GNAI3: variants seen among roughly 807,000 people sequenced by gnomAD.
GNAI3 encodes the protein G protein subunit alpha i3.
Under a neutral mutation model 41.8 loss-of-function variants are expected in GNAI3, and 12 were observed. That is an observed-to-expected ratio of 0.29 (90% confidence interval 0.18 to 0.47). The LOEUF is 0.47. GNAI3 is among the 20% of genes least tolerant of loss of function. The probability of loss-of-function intolerance (pLI) is 1.00; values close to 1 mark genes in which losing one functional copy is unlikely to be tolerated. For synonymous variants in GNAI3, 132 were observed against 146.5 expected (o/e 0.90, Z 0.71); for missense variants, 360 against 429.6 (o/e 0.84, Z 1.43).
chr1:109,589,460 G>A (rs561874659), intron 7 of GNAI3, among the ~76,000 whole-genome samples: 44 of 152,228 alleles, frequency 2.9e-4, no homozygotes, highest in African/African-American at 1.1e-3. Context: ...CTTGAGCAAC[G>A]TGGGTTTAAA....
intron 4 of GNAI3, among the ~76,000 whole-genome samples, chr1:109,582,002 C>CT (rs1557910514): frequency 6.6e-6 from 1 of 151,964 alleles, no homozygotes; most frequent in African/African-American, 2.4e-5. Flanking sequence ...TTATTTCTTT[C>CT]TTTTTTTAAG....
chr1:109,548,909 C>G, intron 1 of GNAI3, 71 bp downstream of exon 1: 1 of 982,372 alleles, frequency 1.0e-6, no homozygotes, highest in Admixed American at 2.0e-5. Context: ...TGAACGGGGT[C>G]TGGTCGGGCC....
chr1:109,586,209 T>TG lies in GNAI3; in HGVS notation c.591-6dup. ...TTGCTGAATTTGCTTTCTTTCCCCT[T>TG]GCGCAGGATGTTTGATGTAGGTGGC... On this transcript the variant is annotated splice_region_variant and splice_polypyrimidine_tract_variant and intron_variant, in intron 5 of 8. Coordinates refer to ENST00000369851, the MANE Select transcript of GNAI3 (RefSeq NM_006496.4). 1 of 1,612,668 alleles carries TG rather than the reference T, an allele frequency of 6.2e-7. No individual in the cohort carries two copies. The highest frequency in any genetic ancestry group is 8.5e-7 in the Non-Finnish European group (1 of 1,179,128).
chr1:109,573,749 C>G lies in GNAI3; in HGVS notation c.131C>G (p.Ser44Cys), dbSNP rs1648666212. The G allele has an allele frequency of 6.2e-7, 1 of 1,611,114 alleles. No homozygotes were observed. The highest frequency in any genetic ancestry group is 1.1e-5 in the South Asian group (1 of 90,978). Residue 44 changes from serine to cysteine, a missense_variant, in exon 2 of 9, where the codon TCT (serine) becomes TGT (cysteine). Coordinates refer to ENST00000369851, the MANE Select transcript of GNAI3 (RefSeq NM_006496.4). ...VKLLLLGAGE[S>C]GKSTIVKQMK... Reference sequence around the variant, plus strand: ...TCTTTTCTTACAGGTGCTGGAGAATCTGGTAAAAGCACCATTGTGAAACAG... The same window carrying G: ...TCTTTTCTTACAGGTGCTGGAGAATGTGGTAAAAGCACCATTGTGAAACAG...
rs1342885334 is a variant in GNAI3, at chr1:109,600,182, G to T, written c.*7860G>T. The T allele has an allele frequency of 6.6e-6, 1 of 151,524 alleles. No individual in the cohort carries two copies. Among genetic ancestry groups the T allele is most frequent in the East Asian group, 1.9e-4 (1 of 5,188 alleles). The allele number at this position is 151,524 out of a possible 1,614,324, so 9.4% of individuals were successfully genotyped here. On this transcript the variant is annotated 3_prime_UTR_variant, in exon 9 of 9. Coordinates refer to ENST00000369851, the MANE Select transcript of GNAI3 (RefSeq NM_006496.4). Reference sequence around the variant, plus strand: ...AAGTAAATAAAAATTCAACAGTACGGTGTAAATTTAAAATGAGGCAAAAGA... The same window carrying T: ...AAGTAAATAAAAATTCAACAGTACGTTGTAAATTTAAAATGAGGCAAAAGA...
intron 3 of GNAI3, among the ~76,000 whole-genome samples, chr1:109,574,275 A>G (rs1648682415): frequency 6.6e-6 from 1 of 151,648 alleles, no homozygotes; most frequent in Non-Finnish European, 1.5e-5. Flanking sequence ...TTTCTGGGAT[A>G]ACTGTTCTAT....
chr1:109,582,361 G>C lies in GNAI3; in HGVS notation c.462-76G>C, dbSNP rs140210988. On this transcript the variant is annotated intron_variant, in intron 4 of 8. Transcript: ENST00000369851. The stretch of plus-strand genomic sequence containing the variant: ...ATAACTAGTAACAGGTTTAAAATAG[G>C]AACTAATTTAGTCTGTTCATTTGCT... 1.8e-4 allele frequency: 195 copies of C among 1,089,762 alleles called. No homozygotes were observed. In the African/African-American group the frequency reaches 2.6e-3, roughly 15 times the overall value. The allele number at this position is 1,089,762 out of a possible 1,614,324, so 67.5% of individuals were successfully genotyped here. A position where few individuals can be genotyped will look rare whatever the true frequency, so the allele number is the denominator to read the frequency against.
rs939837690 is a variant in GNAI3 at position 109,599,165 on chromosome 1, T to C, written c.*6843T>C. The C allele has an allele frequency of 4.9e-6, 1 of 205,422 alleles. No homozygotes were observed. Among genetic ancestry groups the C allele is most frequent in the African/African-American group, 2.3e-5 (1 of 42,656 alleles). 12.7% of individuals were successfully genotyped at this position (205,422 alleles called of 1,614,324 possible). On this transcript the variant is annotated 3_prime_UTR_variant, in exon 9 of 9. Transcript: ENST00000369851. ...CTTTTAAGACAACTTTTGTGCCGCT[T>C]TTATCCATTCTTCCTTTTATCCACA...
At chr1:109,566,906 T>TA (rs1471144140) in intron 1 of GNAI3, among the ~76,000 whole-genome samples, 2 of 152,224 alleles carry the variant, frequency 1.3e-5, no homozygotes, top group African/African-American at 4.8e-5. Flanking sequence ...TAGAGTTACA[T>TA]ACTTATACCT....
rs762304617 is a variant in GNAI3 at position 109,598,102 on chromosome 1, C to G, written c.*5780C>G. 2.6e-5 allele frequency: 4 copies of G among 152,162 alleles called. No individual in the cohort carries two copies. 9.4% of individuals were successfully genotyped at this position (152,162 alleles called of 1,614,324 possible). A position where few individuals can be genotyped will look rare whatever the true frequency, so the allele number is the denominator to read the frequency against. Reference sequence around the variant, plus strand: ...AGCAGGAATATTAAATTATGAACAACCTGGTTTATCTGTCTCCTCTTATCT... The same window carrying G: ...AGCAGGAATATTAAATTATGAACAAGCTGGTTTATCTGTCTCCTCTTATCT... On this transcript the variant is annotated 3_prime_UTR_variant, in exon 9 of 9. Coordinates refer to ENST00000369851, the MANE Select transcript of GNAI3 (RefSeq NM_006496.4).
intron 3 of GNAI3, among the ~76,000 whole-genome samples, chr1:109,576,603 C>G (rs973513626): frequency 1.3e-4 from 20 of 152,042 alleles, no homozygotes; most frequent in African/African-American, 4.8e-4. Flanking sequence ...ACCGCAACCT[C>G]TGCCTCCTGG....
Position 109,592,670 on chromosome 1 carries a change from G to C in GNAI3, c.*348G>C, listed in dbSNP as rs1649200835. ...TTTTTCCCCCCTTCTTAAACCACCA[G>C]TGGTTCATTTTTAAGGTTTTTTCAT... On this transcript the variant is annotated 3_prime_UTR_variant, in exon 9 of 9. Transcript: ENST00000369851. 1 of 153,432 alleles carries C rather than the reference G, an allele frequency of 6.5e-6. No individual in the cohort carries two copies. The highest frequency in any genetic ancestry group is 6.5e-5 in the Admixed American group (1 of 15,320). The allele number at this position is 153,432 out of a possible 1,614,324, so 9.5% of individuals were successfully genotyped here. A position where few individuals can be genotyped will look rare whatever the true frequency, so the allele number is the denominator to read the frequency against.
At chr1:109,580,159 G>T (rs1648853548) in intron 4 of GNAI3, among the ~76,000 whole-genome samples, 1 of 152,112 alleles carries the variant, frequency 6.6e-6, no homozygotes, top group Non-Finnish European at 1.5e-5. Context: ...CCGCCACCAT[G>T]CCCGGCTAAT....
intron 1 of GNAI3, among the ~76,000 whole-genome samples, chr1:109,556,308 G>C (rs1351552838): frequency 1.3e-5 from 2 of 152,062 alleles, no homozygotes; most frequent in East Asian, 3.9e-4. Context: ...CTCCCAAAAT[G>C]TTGAGATTAT....
At chr1:109,579,624 G>T (rs532721507) in intron 4 of GNAI3, among the ~76,000 whole-genome samples, 35 of 152,310 alleles carry the variant, frequency 2.3e-4, no homozygotes, top group Admixed American at 6.5e-4. Context: ...GCAAGTGAAG[G>T]AGGAGAGACA....
intron 3 of GNAI3, among the ~76,000 whole-genome samples, chr1:109,576,514 G>T (rs1188141721): frequency 1.3e-4 from 20 of 148,728 alleles, no homozygotes; most frequent in African/African-American, 2.7e-4. Context: ...TTTTTTTTTT[G>T]TTGTTGTTTT....
intron 1 of GNAI3, among the ~76,000 whole-genome samples, chr1:109,549,717 A>G (rs1647926701): frequency 6.6e-6 from 1 of 152,220 alleles, no homozygotes; most frequent in Non-Finnish European, 1.5e-5. Context: ...ATTCACTGTA[A>G]AGACTATGGT....
intron 1 of GNAI3, among the ~76,000 whole-genome samples, chr1:109,567,134 G>A (rs1648477606): frequency 6.6e-6 from 1 of 152,120 alleles, no homozygotes; most frequent in Non-Finnish European, 1.5e-5. Flanking sequence ...CTAGTCATAT[G>A]TTCCTATATG....
At chr1:109,579,085 G>T in intron 3 of GNAI3, 119 bp from the exon 4 acceptor site, 1 of 745,572 alleles carries the variant, frequency 1.3e-6, no homozygotes, top group Non-Finnish European at 2.2e-6. Context: ...GTCAGAAAAG[G>T]TCTCTGTAAC....
Sources: gnomAD v4.1 joint callset for allele counts (sites outside exome capture counted in the v4.1 genomes callset) on GRCh38, gnomAD v4.1.1 for gene constraint, MANE v1.5 for transcripts, NCBI Gene and HGNC (gene_info 2026-07-23, HGNC 2026-07-21) for gene names.